Variants in SAMD4A observed in about 807,000 individuals in gnomAD.
SAMD4A encodes protein Smaug homolog 1.
A neutral mutation model predicts 81.3 loss-of-function variants in SAMD4A; 33 were observed. The ratio of observed to expected loss-of-function variants is 0.41; its 90% CI spans 0.31 to 0.54. The LOEUF is 0.54. Among genes scored for constraint, SAMD4A ranks in the 20% least tolerant of loss-of-function variants. The pLI is 0.37. For synonymous variants in SAMD4A, 389 were observed against 382.1 expected, an observed-to-expected ratio of 1.02 and a Z score of -0.21; for missense variants, 854 against 951.1, an observed-to-expected ratio of 0.90 and a Z score of 1.34.
intron 3 of SAMD4A, among the ~76,000 whole-genome samples, chr14:54,736,069 G>C (rs1331917569): frequency 6.6e-6 from 1 of 152,202 alleles, no homozygotes; most frequent in African/African-American, 2.4e-5. Context: ...TTGTAAAGTT[G>C]TCACTTTACA....
At chr14:54,650,228 T>A (rs1225702039) in intron 2 of SAMD4A, among the ~76,000 whole-genome samples, 6 of 152,370 alleles carry the variant, frequency 3.9e-5, no homozygotes, top group Non-Finnish European at 8.8e-5. Flanking sequence ...TACATATTGT[T>A]GATAAACCTT....
intron 2 of SAMD4A, among the ~76,000 whole-genome samples, chr14:54,599,443 C>A (rs189446286): frequency 1.3e-5 from 2 of 152,158 alleles, no homozygotes; most frequent in African/African-American, 4.8e-5. Flanking sequence ...CCGAGGTCCA[C>A]AAATTTTTCA....
chr14:54,733,453 A>G (rs944073294), intron 3 of SAMD4A, among the ~76,000 whole-genome samples: 1 of 152,184 alleles, frequency 6.6e-6, no homozygotes, highest in Admixed American at 6.6e-5. Context: ...GGAAAAAGGC[A>G]CAATTTTGTT....
At chr14:54,748,713 TGACC>T in intron 4 of SAMD4A, 98 bp from the exon 5 acceptor site, 1 of 765,580 alleles carries the variant, frequency 1.3e-6, no homozygotes, top group Non-Finnish European at 2.2e-6. Flanking sequence ...TTTTTTCCTT[TGACC>T]ATCACCCTCT....
At position 54,609,191 on chromosome 14, in the gene SAMD4A, C is replaced by T. The variant is rs76517184; in HGVS notation, c.196+41079C>T. On this transcript the variant is annotated intron_variant, in intron 2 of 12. Transcript: ENST00000554335. Reference sequence around the variant, plus strand: ...TGTAGTGGGCTCAATGTAATCACAGCGCCTTTATAAGTGGAAGTTGGAGGA... The same window carrying T: ...TGTAGTGGGCTCAATGTAATCACAGTGCCTTTATAAGTGGAAGTTGGAGGA... Among the ~76,000 whole-genome samples the T allele has an allele frequency of 7.2e-5, 11 of 152,172 alleles. No homozygotes were observed. In the East Asian group the frequency reaches 1.2e-3, roughly 16 times the overall value.
rs1429773740 is a variant in SAMD4A, at chr14:54,734,264, G to T, written c.716-2760G>T. ...TAGCACGACTTTTGATTGAGGTGTG[G>T]CATTCAGCCTGGCTCTAAACCCACG... On this transcript the variant is annotated intron_variant, in intron 3 of 12. Transcript: ENST00000554335. 1.3e-5 allele frequency among the ~76,000 whole-genome samples: 2 copies of T among 152,198 alleles called. 1 individual carries two copies. Among genetic ancestry groups the T allele is most frequent in the African/African-American group, 4.8e-5 (2 of 41,442 alleles).
intron 2 of SAMD4A, among the ~76,000 whole-genome samples, chr14:54,699,336 T>C (rs1309382971): frequency 1.3e-5 from 2 of 152,206 alleles, no homozygotes; most frequent in Non-Finnish European, 2.9e-5. Flanking sequence ...AGAGTTGTCT[T>C]GTGTCAGGTG....
chr14:54,608,503 G>C (rs1372826381), intron 2 of SAMD4A, among the ~76,000 whole-genome samples: 1 of 152,204 alleles, frequency 6.6e-6, no homozygotes, highest in African/African-American at 2.4e-5. Context: ...AAAATAGCTT[G>C]CCTCTGTATC....
intron 3 of SAMD4A, among the ~76,000 whole-genome samples, chr14:54,705,879 C>G (rs2036838668): frequency 1.3e-5 from 2 of 152,276 alleles, no homozygotes; most frequent in East Asian, 3.9e-4. Context: ...TTTTGCTGGA[C>G]TTATCATCCA....
chr14:54,787,363 A>C (rs2039167421), intron 12 of SAMD4A, among the ~76,000 whole-genome samples: 1 of 152,180 alleles, frequency 6.6e-6, no homozygotes, highest in Non-Finnish European at 1.5e-5. Flanking sequence ...TTATCTCAAA[A>C]GTTTCAACTG....
At chr14:54,715,989 T>C (rs545658645) in intron 3 of SAMD4A, among the ~76,000 whole-genome samples, 35 of 152,262 alleles carry the variant, frequency 2.3e-4, no homozygotes, top group African/African-American at 8.2e-4. Flanking sequence ...GTTCTGTTGC[T>C]TGGCACCTGA....
chr14:54,604,533 T>G (rs2034147274), intron 2 of SAMD4A, among the ~76,000 whole-genome samples: 1 of 152,216 alleles, frequency 6.6e-6, no homozygotes, highest in East Asian at 1.9e-4. Flanking sequence ...TGATGGCATG[T>G]CTATGCAACG....
chr14:54,576,483 G>C (rs2033301449), intron 2 of SAMD4A, among the ~76,000 whole-genome samples: 1 of 152,200 alleles, frequency 6.6e-6, no homozygotes, highest in South Asian at 2.1e-4. Context: ...GTAGGCATCT[G>C]AGAGGTTAAT....
intron 2 of SAMD4A, among the ~76,000 whole-genome samples, chr14:54,656,776 C>T (rs1049930826): frequency 1.3e-5 from 2 of 151,994 alleles, no homozygotes; most frequent in African/African-American, 4.8e-5. Context: ...TACAGGTGCC[C>T]GCCACCATGC....
At chr14:54,687,985 G>A (rs1469401548) in intron 2 of SAMD4A, 16 of 985,936 alleles carry the variant, frequency 1.6e-5, no homozygotes, top group Non-Finnish European at 1.2e-6. Flanking sequence ...ATAATGATGA[G>A]CTGTGCCCAG....
intron 2 of SAMD4A, among the ~76,000 whole-genome samples, chr14:54,633,126 A>G (rs141768716): frequency 6.6e-6 from 1 of 152,348 alleles, no homozygotes; most frequent in East Asian, 1.9e-4. Flanking sequence ...ATACCAACCT[A>G]CAGTCCTAAC....
At chr14:54,729,525 C>T (rs2037507427) in intron 3 of SAMD4A, among the ~76,000 whole-genome samples, 1 of 152,152 alleles carries the variant, frequency 6.6e-6, no homozygotes, top group Admixed American at 6.5e-5. Context: ...ATTTTCCCTA[C>T]TTGGTGAAAT....
chr14:54,647,975 G>A (rs950533913), intron 2 of SAMD4A, among the ~76,000 whole-genome samples: 2 of 152,254 alleles, frequency 1.3e-5, no homozygotes, highest in African/African-American at 4.8e-5. Context: ...CCCTACAGCT[G>A]CACTGTTCAG....
At chr14:54,729,624 A>G (rs981221748) in intron 3 of SAMD4A, among the ~76,000 whole-genome samples, 7 of 152,252 alleles carry the variant, frequency 4.6e-5, no homozygotes, top group Non-Finnish European at 1.0e-4. Flanking sequence ...TTAAGGGTTT[A>G]GTATAATGGT....
Sources: gnomAD v4.1 joint callset for allele counts (sites outside exome capture counted in the v4.1 genomes callset) on GRCh38, gnomAD v4.1.1 for gene constraint, MANE v1.5 for transcripts, NCBI Gene and HGNC (gene_info 2026-07-23, HGNC 2026-07-21) for gene names.